The following ZMIZ1 variants were observed in gnomAD, a reference collection of about 807,000 sequenced individuals.
ZMIZ1 encodes the protein zinc finger MIZ-type containing 1.
Under a neutral mutation model 113.9 loss-of-function variants are expected in ZMIZ1, and 17 were observed. That is an observed-to-expected ratio of 0.15 (90% CI 0.10 to 0.22). The LOEUF is 0.22. Among genes scored for constraint, ZMIZ1 ranks in the 10% least tolerant of loss-of-function variants. The pLI is 1.00. For missense variants in ZMIZ1, 1,059 were observed against 1,477.8 expected (o/e 0.72, Z 4.65); for synonymous variants, 607 against 603.1 (o/e 1.01, Z -0.09).
chr10:79,239,612 C>T (rs1215783447), intron 7 of ZMIZ1, among the ~76,000 whole-genome samples: 5 of 152,166 alleles, frequency 3.3e-5, no homozygotes, highest in Admixed American at 2.6e-4. Context: ...CATTGTTCTC[C>T]CTCTAAGCGG....
At chr10:79,202,212 AAAGAAAG>A (rs1564716640) in intron 5 of ZMIZ1, among the ~76,000 whole-genome samples, 5 of 58,992 alleles carry the variant, frequency 8.5e-5, no homozygotes, top group African/African-American at 1.9e-4. Flanking sequence ...AAAAAAAAAA[AAAGAAAG>A]AAAGAAAGAA....
chr10:79,124,695 G>A (rs1170005930), intron 2 of ZMIZ1, among the ~76,000 whole-genome samples: 2 of 152,234 alleles, frequency 1.3e-5, no homozygotes, highest in East Asian at 3.8e-4. Context: ...GAGGCAGCCA[G>A]AGAAGACTTC....
At chr10:79,204,361 C>T (rs1030824813) in intron 5 of ZMIZ1, among the ~76,000 whole-genome samples, 7 of 152,212 alleles carry the variant, frequency 4.6e-5, no homozygotes, top group East Asian at 1.9e-4. Context: ...AACCAGTGCT[C>T]CCTCTCTGCA....
At chr10:79,144,270 G>T (rs1302322298) in intron 3 of ZMIZ1, among the ~76,000 whole-genome samples, 1 of 152,154 alleles carries the variant, frequency 6.6e-6, no homozygotes, top group Admixed American at 6.5e-5. Flanking sequence ...GAAAATTCTT[G>T]CATGATGCCA....
At chr10:79,277,049 C>T in intron 7 of ZMIZ1, 132 bp from the exon 8 acceptor site, 2 of 1,188,758 alleles carry the variant, frequency 1.7e-6, no homozygotes, top group South Asian at 3.7e-5. Flanking sequence ...CTGAGTAAGT[C>T]TTCTGGCGTC....
chr10:79,292,017 G>A (rs1415146499), intron 10 of ZMIZ1, 141 bp from the exon 11 acceptor site: 9 of 865,694 alleles, frequency 1.0e-5, no homozygotes, highest in African/African-American at 1.7e-5. Context: ...TGGCACAAAT[G>A]AATGGCTGCC....
intron 7 of ZMIZ1, among the ~76,000 whole-genome samples, chr10:79,220,968 C>T (rs560731064): frequency 7.9e-5 from 12 of 152,070 alleles, no homozygotes; most frequent in African/African-American, 2.2e-4. Context: ...TACCTGTGTG[C>T]GTGTCTGTGT....
chr10:79,282,462 C>T (rs1240973814), intron 8 of ZMIZ1, among the ~76,000 whole-genome samples: 2 of 152,138 alleles, frequency 1.3e-5, no homozygotes, highest in Non-Finnish European at 2.9e-5. Context: ...CTTGCAGCCC[C>T]GCCCTGCCCC....
At chr10:79,258,994 C>T (rs1055329780) in intron 7 of ZMIZ1, among the ~76,000 whole-genome samples, 6 of 152,092 alleles carry the variant, frequency 3.9e-5, no homozygotes, top group Admixed American at 3.3e-4. Flanking sequence ...TCAAGGTAAT[C>T]GGATTGTGTG....
At chr10:79,173,455 T>G (rs1846689539) in intron 4 of ZMIZ1, among the ~76,000 whole-genome samples, 1 of 152,110 alleles carries the variant, frequency 6.6e-6, no homozygotes, top group Admixed American at 6.5e-5. Flanking sequence ...CAGCCTAGTG[T>G]CCCTGTTGCT....
rs774145745 is a variant in ZMIZ1 at position 79,292,284 on chromosome 10, T to G, written c.885T>G (p.Ala295=). Residue 295 remains alanine (A), a synonymous_variant, in exon 11 of 25, where the codon GCT becomes GCG. Coordinates refer to ENST00000334512, the MANE Select transcript of ZMIZ1 (RefSeq NM_020338.4). ...AAAVAAAAAT[A]TATATATVAA... ...CAGTGGCAGCAGCAGCAGCCACAGC[T>G]ACAGCCACAGCCACGGCCACTGTGG... 6 of 1,612,746 alleles carry G rather than the reference T, an allele frequency of 3.7e-6. No individual in the cohort carries two copies. Among genetic ancestry groups the G allele is most frequent in the Non-Finnish European group, 5.1e-6 (6 of 1,179,810 alleles).
chr10:79,152,029 C>T lies in ZMIZ1; in HGVS notation c.-130-10024C>T, dbSNP rs1167331257. On this transcript the variant is annotated intron_variant, in intron 3 of 24. Coordinates refer to ENST00000334512, the MANE Select transcript of ZMIZ1 (RefSeq NM_020338.4). ...CTGCTCTGTTTATAAGAGTTCAAAA[C>T]GTAGGATGGAGTAGTCAGGGGACCG... is the stretch of plus-strand genomic sequence containing the variant. Among the ~76,000 whole-genome samples, 7 of 152,200 alleles carry T rather than the reference C, an allele frequency of 4.6e-5. No homozygotes were observed. In the East Asian group the frequency reaches 5.8e-4, roughly 13 times the overall value.
intron 7 of ZMIZ1, among the ~76,000 whole-genome samples, chr10:79,224,079 A>T (rs1416629535): frequency 6.6e-6 from 1 of 152,216 alleles, no homozygotes; most frequent in African/African-American, 2.4e-5. Flanking sequence ...CCAAAGAATG[A>T]TGACTATGTG....
rs369818551 is a variant in ZMIZ1, at chr10:79,114,494, CGTGT to C, written c.-336-4413_-336-4410del. ...GTGTGTGTCTGTGTGTGTGTGTGTG[CGTGT>C]GTGTGTGCGTGTGTGTGTGTGTGTG... On this transcript the variant is annotated intron_variant, in intron 1 of 24. Transcript: ENST00000334512. Among the ~76,000 whole-genome samples the C allele has an allele frequency of 9.3e-3, 1,063 of 114,306 alleles. 14 individuals carry two copies. The highest frequency in any genetic ancestry group is 0.014 in the South Asian group (45 of 3,228). 75.0% of individuals were successfully genotyped at this position (114,306 alleles called of 152,430 possible).
intron 7 of ZMIZ1, among the ~76,000 whole-genome samples, chr10:79,240,100 C>T (rs1359521243): frequency 3.9e-5 from 6 of 152,214 alleles, no homozygotes; most frequent in African/African-American, 9.6e-5. Context: ...AAAAGCCACC[C>T]GCTATTGATC....
In ZMIZ1 at chr10:79,100,703, A is replaced by G. The variant is rs527651946; in HGVS notation, c.-336-18212A>G. On this transcript the variant is annotated intron_variant, in intron 1 of 24. Coordinates refer to ENST00000334512, the MANE Select transcript of ZMIZ1 (RefSeq NM_020338.4). The stretch of plus-strand genomic sequence containing the variant: ...TGATCCCTGCTGCGTTCCAGGAGAG[A>G]GGGCATGAGGCTCATTGCTGGCAGG... Among the ~76,000 whole-genome samples, 10 of 152,168 alleles carry G rather than the reference A, an allele frequency of 6.6e-5. No individual in the cohort carries two copies. In the East Asian group the frequency reaches 1.9e-3, roughly 29 times the overall value.
At chr10:79,227,553 A>C (rs994014725) in intron 7 of ZMIZ1, among the ~76,000 whole-genome samples, 1 of 152,168 alleles carries the variant, frequency 6.6e-6, no homozygotes, top group African/African-American at 2.4e-5. Context: ...GATTATAATA[A>C]TGCCTACATC....
intron 1 of ZMIZ1, among the ~76,000 whole-genome samples, chr10:79,106,256 A>T (rs1312168036): frequency 2.0e-5 from 3 of 152,230 alleles, no homozygotes; most frequent in Non-Finnish European, 4.4e-5. Flanking sequence ...GCTCTCCCAG[A>T]TGTGGCTGAA....
intron 7 of ZMIZ1, among the ~76,000 whole-genome samples, chr10:79,219,935 G>T (rs1220250747): frequency 6.6e-6 from 1 of 152,026 alleles, no homozygotes; most frequent in East Asian, 1.9e-4. Flanking sequence ...CCCCCTGCTT[G>T]CCCCATCTTC....
Sources: gnomAD v4.1 joint callset for allele counts (sites outside exome capture counted in the v4.1 genomes callset) on GRCh38, gnomAD v4.1.1 for gene constraint, MANE v1.5 for transcripts, NCBI Gene and HGNC (gene_info 2026-07-23, HGNC 2026-07-21) for gene names.